The following PHF2 variants were observed in gnomAD, a reference collection of about 807,000 sequenced individuals.
PHF2 encodes PHD finger protein 2.
PHF2 carries 27 observed loss-of-function variants against 120.5 expected under a neutral mutation model. That is an observed-to-expected ratio of 0.22 (90% confidence interval 0.17 to 0.31). The LOEUF (loss-of-function observed/expected upper bound fraction) is 0.31, where lower values mean the gene tolerates loss of function less well. Ranked by LOEUF, PHF2 falls within the 10% of genes least tolerant of loss-of-function variation. The pLI, the probability that PHF2 is intolerant of heterozygous loss-of-function variation, is 1.00. For synonymous variants in PHF2, 568 were observed against 592.5 expected, an observed-to-expected ratio of 0.96 and a Z score of 0.60; for missense variants, 1,024 against 1,434.8, an observed-to-expected ratio of 0.71 and a Z score of 4.63.
At chr9:93,631,489 T>C (rs576911533) in intron 2 of PHF2, among the ~76,000 whole-genome samples, 3 of 152,224 alleles carry the variant, frequency 2.0e-5, no homozygotes, top group Non-Finnish European at 4.4e-5. Context: ...GCATTTATGC[T>C]CAGAATGCAT....
chr9:93,617,872 C>T (rs1216381299), intron 1 of PHF2, among the ~76,000 whole-genome samples: 1 of 152,224 alleles, frequency 6.6e-6, no homozygotes, highest in African/African-American at 2.4e-5. Flanking sequence ...TCCAGCCACA[C>T]ACTGGCAGCT....
intron 4 of PHF2, among the ~76,000 whole-genome samples, chr9:93,646,362 G>T (rs1289496424): frequency 6.6e-6 from 1 of 152,264 alleles, no homozygotes; most frequent in East Asian, 1.9e-4. Context: ...GGCAGTGGCA[G>T]GGAGAGGCCA....
At position 93,677,557 on chromosome 9, in the gene PHF2, C is replaced by G; in HGVS notation, c.3203-31C>G. Reference sequence around the variant, plus strand: ...GCCCCTTGCCATCTAGCTTACCTTCCCTTTTTGTGTCCCCTCCCCGACTCC... The same window carrying G: ...GCCCCTTGCCATCTAGCTTACCTTCGCTTTTTGTGTCCCCTCCCCGACTCC... On this transcript the variant is annotated intron_variant, in intron 21 of 21. Transcript: ENST00000359246. This position sits in a 1 kb window ranked among gnomAD's most constrained non-coding sequence, Gnocchi z 4.4. 1.9e-6 allele frequency: 3 copies of G among 1,585,270 alleles called. No homozygotes were observed. Among genetic ancestry groups the G allele is most frequent in the African/African-American group, 1.3e-5 (1 of 74,432 alleles).
intron 17 of PHF2, among the ~76,000 whole-genome samples, chr9:93,669,008 T>TGG (rs1826732841): frequency 6.6e-6 from 1 of 152,240 alleles, no homozygotes; most frequent in African/African-American, 2.4e-5. Context: ...TGTTTATTGC[T>TGG]GGGGGAAAAG....
At chr9:93,658,385 G>GC in intron 10 of PHF2, 149 bp downstream of exon 10, 1 of 691,042 alleles carries the variant, frequency 1.4e-6, no homozygotes. Context: ...GCCTGGCTTG[G>GC]CCCGGGGTGT....
At chr9:93,586,936 T>C (rs1863056876) in intron 1 of PHF2, among the ~76,000 whole-genome samples, 2 of 152,102 alleles carry the variant, frequency 1.3e-5, no homozygotes, top group South Asian at 4.2e-4. Flanking sequence ...CTGTGTGGGG[T>C]GAGGGGCAGC....
rs998053391 is a variant in PHF2 at position 93,673,474 on chromosome 9, C to T, written c.2349-111C>T. 1.1e-5 allele frequency: 11 copies of T among 995,532 alleles called. No individual in the cohort carries two copies. In the Admixed American group the frequency reaches 1.2e-4, roughly 11 times the overall value. 61.7% of individuals were successfully genotyped at this position (995,532 alleles called of 1,614,324 possible). ...TCTGCTCCACGCCCTCTGCCTGCCA[C>T]CTGGGCCAGGAGTTTGTGCAGGAGT... On this transcript the variant is annotated intron_variant, in intron 17 of 21. Transcript: ENST00000359246.
At chr9:93,609,278 C>T (rs1413661844) in intron 1 of PHF2, among the ~76,000 whole-genome samples, 1 of 151,924 alleles carries the variant, frequency 6.6e-6, no homozygotes, top group Non-Finnish European at 1.5e-5. Flanking sequence ...TACATTGTTG[C>T]TATTATTATT....
chr9:93,596,753 T>G (rs976378099), intron 1 of PHF2, among the ~76,000 whole-genome samples: 62 of 151,906 alleles, frequency 4.1e-4, no homozygotes, highest in African/African-American at 1.1e-3. Context: ...TGCCGTTTTT[T>G]TTTTTTGTTT....
chr9:93,605,722 G>A (rs1825530759), intron 1 of PHF2, among the ~76,000 whole-genome samples: 1 of 152,034 alleles, frequency 6.6e-6, no homozygotes, highest in African/African-American at 2.4e-5. Flanking sequence ...GACTCTTCAT[G>A]TTTTTTTCAT....
intron 20 of PHF2, 33 bp downstream of exon 20, chr9:93,675,822 A>G (rs370261076): frequency 6.5e-7 from 1 of 1,536,248 alleles, no homozygotes; most frequent in South Asian, 1.1e-5. Context: ...CACGGCAGCC[A>G]GGTCCCTGCT....
At position 93,663,514 on chromosome 9, in the gene PHF2, C is replaced by T. The variant is rs1157452255; in HGVS notation, c.1819-3C>T. ...CAGGGACGGCCCTGGTCTTGCTTTT[C>T]AGAACAGCAAACCTGACTCCTTACT... On this transcript the variant is annotated splice_region_variant and splice_polypyrimidine_tract_variant and intron_variant, in intron 13 of 21. Coordinates refer to ENST00000359246, the MANE Select transcript of PHF2 (RefSeq NM_005392.4). 6.2e-7 allele frequency: 1 copy of T among 1,602,182 alleles called. No individual in the cohort carries two copies. The highest frequency in any genetic ancestry group is 8.5e-7 in the Non-Finnish European group (1 of 1,171,106).
chr9:93,593,997 G>A (rs911467911), intron 1 of PHF2, among the ~76,000 whole-genome samples: 1 of 152,220 alleles, frequency 6.6e-6, no homozygotes, highest in African/African-American at 2.4e-5. Context: ...AGGGTTTAGA[G>A]GTCATATTGC....
chr9:93,621,710 G>A (rs972299305), intron 1 of PHF2, among the ~76,000 whole-genome samples: 12 of 152,214 alleles, frequency 7.9e-5, no homozygotes, highest in East Asian at 1.9e-4. Flanking sequence ...CCTGAGCCTC[G>A]GCCTTCCCCC....
In PHF2 at chr9:93,622,200, C is replaced by T. The variant is rs1404397993; in HGVS notation, c.99-7770C>T. ...GGAGACTAGGACTTCCTTACATTCA[C>T]AGGCACTGCTGGGGCCTCATGTGGG... is the stretch of plus-strand genomic sequence containing the variant. On this transcript the variant is annotated intron_variant, in intron 1 of 21. Coordinates refer to ENST00000359246, the MANE Select transcript of PHF2 (RefSeq NM_005392.4). Among the ~76,000 whole-genome samples the T allele has an allele frequency of 2.6e-5, 4 of 152,180 alleles. No homozygotes were observed. The East Asian group carries it at 7.7e-4, about 29-fold the overall frequency.
At position 93,679,216 on chromosome 9, in the gene PHF2, G is replaced by A; in HGVS notation, c.*1540G>A. On this transcript the variant is annotated 3_prime_UTR_variant, in exon 22 of 22. Coordinates refer to ENST00000359246, the MANE Select transcript of PHF2 (RefSeq NM_005392.4). ...TTTGTCCACTGGGAGAGGCAGCTTG[G>A]TGGAGGCCTTATCCACTCCCACTTG... 2.2e-6 allele frequency: 1 copy of A among 456,174 alleles called. No individual in the cohort carries two copies. Among genetic ancestry groups the A allele is most frequent in the Non-Finnish European group, 4.4e-6 (1 of 226,944 alleles). The allele number at this position is 456,174 out of a possible 1,614,324, so 28.3% of individuals were successfully genotyped here. A position where few individuals can be genotyped will look rare whatever the true frequency, so the allele number is the denominator to read the frequency against.
At chr9:93,637,007 G>A (rs555859577) in intron 3 of PHF2, among the ~76,000 whole-genome samples, 4 of 152,354 alleles carry the variant, frequency 2.6e-5, no homozygotes, top group African/African-American at 9.6e-5. Flanking sequence ...AGCCGGGAGC[G>A]GCTCCTGGTG....
intron 1 of PHF2, among the ~76,000 whole-genome samples, chr9:93,609,137 A>G (rs1825593577): frequency 7.6e-6 from 1 of 131,814 alleles, no homozygotes. Context: ...GACTAATCCA[A>G]GTCCTCTTTC....
Position 93,676,703 on chromosome 9 carries a change from C to A in PHF2, c.2942C>A (p.Thr981Asn). The change falls in exon 21 of 22, where the codon ACC becomes AAC. Residue 981 changes from threonine to asparagine, a missense_variant. Around this residue, in one of 2 missense-constraint regions of PHF2, gnomAD observed 677 missense variants for 857.4 expected, o/e 0.79. Transcript: ENST00000359246. ...SISAGTTSTS[T>N]TPASTTPAST... ...TCTGCCGGCACCACCTCCACCTCCA[C>A]CACGCCAGCCTCTACCACCCCGGCC... 6.4e-7 allele frequency: 1 copy of A among 1,563,434 alleles called. No individual in the cohort carries two copies. Among genetic ancestry groups the A allele is most frequent in the Non-Finnish European group, 8.7e-7 (1 of 1,154,768 alleles).
Sources: allele counts gnomAD v4.1 joint callset (sites outside exome capture counted in the v4.1 genomes callset), GRCh38; gene constraint gnomAD v4.1.1; regional missense constraint gnomAD v4.1.1; non-coding constraint Gnocchi (gnomAD v3.1); transcripts MANE v1.5; gene names NCBI Gene and HGNC (gene_info 2026-07-23, HGNC 2026-07-21).